SYT16: variants seen among roughly 807,000 people sequenced by gnomAD.
SYT16 encodes synaptotagmin 16, also known as synaptotagmin-16.
SYT16 carries 42 observed loss-of-function variants against 61.4 expected under a neutral mutation model. The observed-to-expected ratio is 0.68, with a 90% CI of 0.53 to 0.89. SYT16 has a LOEUF of 0.89. Ranked by LOEUF, SYT16 falls within the 40% of genes least tolerant of loss-of-function variation. SYT16 has a pLI of 0.00. For missense variants in SYT16, 804 were observed against 807.3 expected, an observed-to-expected ratio of 1.00 and a Z score of 0.05; for synonymous variants, 314 against 302.3, an observed-to-expected ratio of 1.04 and a Z score of -0.40.
At chr14:61,945,279 T>C (rs1324908106) in intron 1 of SYT16, among the ~76,000 whole-genome samples, 1 of 152,210 alleles carries the variant, frequency 6.6e-6, no homozygotes, top group Non-Finnish European at 1.5e-5. Flanking sequence ...GTTTTTACAC[T>C]GTTGGTGGGA....
Position 61,996,213 on chromosome 14 carries a change from C to T in SYT16, c.194C>T (p.Thr65Met), listed in dbSNP as rs745772258. The T allele has an allele frequency of 1.6e-5, 26 of 1,613,378 alleles. No individual in the cohort carries two copies. Among genetic ancestry groups the T allele is most frequent in the Admixed American group, 6.7e-5 (4 of 59,924 alleles). Reference sequence around the variant, plus strand: ...TTAGATAATATTCAGATTCAGGAAACGTACTTTGAAGATGAAGAACAAGAC... The same window carrying T: ...TTAGATAATATTCAGATTCAGGAAATGTACTTTGAAGATGAAGAACAAGAC... The part of the protein sequence containing the change: ...QDLDNIQIQE[T>M]YFEDEEQDND... Residue 65 changes from threonine (T) to methionine (M), a missense_variant, in exon 3 of 8, where the codon ACG (threonine) becomes ATG (methionine). Coordinates refer to ENST00000683842, the MANE Select transcript of SYT16 (RefSeq NM_001367656.1).
At chr14:61,839,165 A>T (rs1171690439) in intron 1 of SYT16, among the ~76,000 whole-genome samples, 3 of 152,234 alleles carry the variant, frequency 2.0e-5, no homozygotes, top group Admixed American at 6.5e-5. Flanking sequence ...TTGGAAACGT[A>T]ATCCCCAAGG....
At chr14:61,894,228 T>C (rs1042599763) in intron 1 of SYT16, among the ~76,000 whole-genome samples, 3 of 150,398 alleles carry the variant, frequency 2.0e-5, no homozygotes, top group African/African-American at 7.4e-5. Flanking sequence ...GAGGTTGCAG[T>C]GAGCAGAGAT....
intron 2 of SYT16, among the ~76,000 whole-genome samples, chr14:61,989,106 C>CTA (rs1019063605): frequency 3.9e-5 from 6 of 151,986 alleles, no homozygotes; most frequent in African/African-American, 1.5e-4. Context: ...GCATTATATA[C>CTA]TATATAGTGT....
intron 3 of SYT16, among the ~76,000 whole-genome samples, chr14:62,060,769 G>A (rs1235530606): frequency 6.6e-6 from 1 of 151,624 alleles, no homozygotes; most frequent in Non-Finnish European, 1.5e-5. Context: ...AGAGATATTG[G>A]CATATGATTT....
At chr14:61,896,561 C>G (rs1181245132) in intron 1 of SYT16, among the ~76,000 whole-genome samples, 1 of 152,118 alleles carries the variant, frequency 6.6e-6, no homozygotes, top group African/African-American at 2.4e-5. Context: ...CCCATTCAGA[C>G]TGAAAATGGG....
intron 1 of SYT16, among the ~76,000 whole-genome samples, chr14:61,846,084 T>C (rs2046439320): frequency 1.3e-5 from 2 of 152,182 alleles, no homozygotes; most frequent in African/African-American, 4.8e-5. Context: ...ACCTAACATA[T>C]GGTCTATTCA....
At chr14:61,871,513 C>T (rs947188161) in intron 1 of SYT16, among the ~76,000 whole-genome samples, 3 of 152,194 alleles carry the variant, frequency 2.0e-5, no homozygotes, top group Non-Finnish European at 4.4e-5. Flanking sequence ...TGTCCCGTGA[C>T]CTGCTCTCCA....
At chr14:61,897,055 A>G (rs909055420) in intron 1 of SYT16, among the ~76,000 whole-genome samples, 4 of 152,242 alleles carry the variant, frequency 2.6e-5, no homozygotes, top group Non-Finnish European at 2.9e-5. Flanking sequence ...GTGGTGGGAA[A>G]AAAAAGAATA....
At chr14:61,888,206 C>T (rs960399721) in intron 1 of SYT16, among the ~76,000 whole-genome samples, 8 of 151,042 alleles carry the variant, frequency 5.3e-5, no homozygotes, top group Non-Finnish European at 8.8e-5. Context: ...CAACCTCCGT[C>T]TCCCACGTTC....
At position 62,064,334 on chromosome 14, in the gene SYT16, G is replaced by GAAAAAAAAAAAAA. The variant is rs781727444; in HGVS notation, c.524-5257_524-5245dup. Among the ~76,000 whole-genome samples the GAAAAAAAAAAAAA allele has an allele frequency of 1.5e-3, 64 of 42,990 alleles. 1 individual carries two copies. Among genetic ancestry groups the GAAAAAAAAAAAAA allele is most frequent in the African/African-American group, 3.8e-3 (46 of 12,076 alleles). The allele number at this position is 42,990 out of a possible 152,430, so 28.2% of individuals were successfully genotyped here. A position where few individuals can be genotyped will look rare whatever the true frequency, so the allele number is the denominator to read the frequency against. On this transcript the variant is annotated intron_variant, in intron 3 of 7. Transcript: ENST00000683842. ...TAGACAAGAGCCAAACTTTAAATTT[G>GAAAAAAAAAAAAA]AAAAAAAAAAAAAAAAAAAAAAAAG... is the stretch of plus-strand genomic sequence containing the variant.
chr14:62,069,901 A>T (rs2056231766), intron 4 of SYT16, 86 bp downstream of exon 4: 1 of 1,416,046 alleles, frequency 7.1e-7, no homozygotes, highest in African/African-American at 1.4e-5. Flanking sequence ...TGCACTCTGC[A>T]TCTGAGAGTC....
At chr14:61,873,384 C>A (rs2047389485) in intron 1 of SYT16, among the ~76,000 whole-genome samples, 1 of 152,116 alleles carries the variant, frequency 6.6e-6, no homozygotes, top group African/African-American at 2.4e-5. Context: ...TTCTGTCATG[C>A]TGGGTTTGCC....
intron 1 of SYT16, among the ~76,000 whole-genome samples, chr14:61,938,904 G>T (rs905887106): frequency 6.6e-5 from 10 of 152,234 alleles, no homozygotes; most frequent in African/African-American, 2.4e-4. Flanking sequence ...GGAGGCCAAG[G>T]CGGGCGGATC....
At chr14:61,885,114 A>T (rs1005282159) in intron 1 of SYT16, among the ~76,000 whole-genome samples, 2 of 152,194 alleles carry the variant, frequency 1.3e-5, no homozygotes, top group African/African-American at 4.8e-5. Flanking sequence ...CAATTTCATT[A>T]TCTGTCTAAT....
At chr14:62,008,486 T>A (rs537234556) in intron 3 of SYT16, among the ~76,000 whole-genome samples, 1 of 152,246 alleles carries the variant, frequency 6.6e-6, no homozygotes, top group African/African-American at 2.4e-5. Context: ...TCATATTTAA[T>A]TCAGATTTAT....
At chr14:61,926,518 A>G (rs1474844858) in intron 1 of SYT16, among the ~76,000 whole-genome samples, 1 of 152,170 alleles carries the variant, frequency 6.6e-6, no homozygotes, top group Non-Finnish European at 1.5e-5. Context: ...GACCAGGAGA[A>G]TAAGAGTGTA....
intron 6 of SYT16, among the ~76,000 whole-genome samples, chr14:62,081,501 A>G (rs1459433320): frequency 6.6e-6 from 1 of 152,184 alleles, no homozygotes; most frequent in Non-Finnish European, 1.5e-5. Flanking sequence ...ATTTTAGGAC[A>G]AAATAGCAGC....
At position 61,913,338 on chromosome 14, in the gene SYT16, A is replaced by G. The variant is rs558613369; in HGVS notation, c.-324-56794A>G. 8.5e-5 allele frequency among the ~76,000 whole-genome samples: 13 copies of G among 152,286 alleles called. No individual in the cohort carries two copies. The South Asian group carries it at 2.7e-3, about 32-fold the overall frequency. ...ATGGGTTCTGGAAATACAGTTTGCT[A>G]CCATGGAAACCTGAGGACTACTTTA... is the stretch of plus-strand genomic sequence containing the variant. On this transcript the variant is annotated intron_variant, in intron 1 of 7. Coordinates refer to ENST00000683842, the MANE Select transcript of SYT16 (RefSeq NM_001367656.1).
Sources: gnomAD v4.1 joint callset for allele counts (sites outside exome capture counted in the v4.1 genomes callset) on GRCh38, gnomAD v4.1.1 for gene constraint, MANE v1.5 for transcripts, NCBI Gene and HGNC (gene_info 2026-07-23, HGNC 2026-07-21) for gene names.